TRPM3: variants seen among roughly 807,000 people sequenced by gnomAD.
TRPM3 encodes transient receptor potential cation channel subfamily M member 3, also known as long transient receptor potential channel 3.
A neutral mutation model predicts 181.2 loss-of-function variants in TRPM3; 77 were observed. The observed-to-expected ratio is 0.42, with a 90% confidence interval of 0.35 to 0.51. The LOEUF is 0.51. TRPM3 is among the 20% of genes least tolerant of loss of function. TRPM3 has a pLI of 0.01. For synonymous variants in TRPM3, 745 were observed against 796.4 expected (o/e 0.94, Z 1.09); for missense variants, 1,759 against 2,196.7 (o/e 0.80, Z 3.98).
At chr9:70,790,248 T>C (rs530538168) in intron 6 of TRPM3, among the ~76,000 whole-genome samples, 2 of 152,302 alleles carry the variant, frequency 1.3e-5, no homozygotes, top group South Asian at 2.1e-4. Flanking sequence ...AGATAGAGCA[T>C]AGAAGATCAT....
intron 4 of TRPM3, among the ~76,000 whole-genome samples, chr9:70,844,622 C>A: frequency 6.6e-6 from 1 of 152,212 alleles, no homozygotes; most frequent in East Asian, 1.9e-4. Context: ...ACAATTCTAT[C>A]AATACTTCTT....
intron 1 of TRPM3, among the ~76,000 whole-genome samples, chr9:71,142,618 T>C (rs1457155718): frequency 2.0e-5 from 3 of 152,168 alleles, no homozygotes; most frequent in African/African-American, 7.2e-5. Flanking sequence ...ACCAGGTTAT[T>C]AAAAGAACCA....
At chr9:70,804,694 C>G (rs1305714721) in intron 6 of TRPM3, among the ~76,000 whole-genome samples, 2 of 141,500 alleles carry the variant, frequency 1.4e-5, no homozygotes, top group African/African-American at 6.1e-5. Flanking sequence ...CCTTTCCTCC[C>G]CTCCCCTTCC....
At chr9:71,106,260 T>C (rs1280512670) in intron 1 of TRPM3, among the ~76,000 whole-genome samples, 1 of 152,188 alleles carries the variant, frequency 6.6e-6, no homozygotes, top group African/African-American at 2.4e-5. Flanking sequence ...ATGATTTGGA[T>C]ATTTGTTCCT....
intron 1 of TRPM3, among the ~76,000 whole-genome samples, chr9:71,314,395 T>A (rs1026920536): frequency 2.0e-5 from 3 of 152,202 alleles, no homozygotes; most frequent in Admixed American, 1.3e-4. Flanking sequence ...GCCTGTGTGA[T>A]CATTTCTTTG....
intron 1 of TRPM3, among the ~76,000 whole-genome samples, chr9:71,150,006 C>G (rs1023148305): frequency 1.1e-4 from 16 of 151,634 alleles, no homozygotes; most frequent in African/African-American, 3.4e-4. Flanking sequence ...AAAAACAAAA[C>G]AAAATACTGA....
chr9:71,347,019 TC>T (rs932492462), intron 1 of TRPM3, among the ~76,000 whole-genome samples: 1 of 152,168 alleles, frequency 6.6e-6, no homozygotes, highest in African/African-American at 2.4e-5. Context: ...ATTAAACAAA[TC>T]CCAAAAGGGG....
chr9:71,319,826 T>G (rs2132457829), intron 1 of TRPM3, among the ~76,000 whole-genome samples: 1 of 152,098 alleles, frequency 6.6e-6, no homozygotes, highest in East Asian at 1.9e-4. Context: ...CTACATGAAA[T>G]GGGAAGGAAA....
At chr9:70,599,763 A>G (rs2059567137) in intron 20 of TRPM3, among the ~76,000 whole-genome samples, 1 of 152,110 alleles carries the variant, frequency 6.6e-6, no homozygotes, top group Non-Finnish European at 1.5e-5. Context: ...TCACTCTCCA[A>G]TACATTACCC....
At chr9:71,164,635 A>C (rs2076447941) in intron 1 of TRPM3, among the ~76,000 whole-genome samples, 1 of 152,122 alleles carries the variant, frequency 6.6e-6, no homozygotes. Flanking sequence ...GATTTTAAGG[A>C]GAAGGAGAGT....
chr9:70,894,622 T>A (rs1400528684), intron 1 of TRPM3, among the ~76,000 whole-genome samples: 1 of 152,156 alleles, frequency 6.6e-6, no homozygotes, highest in Non-Finnish European at 1.5e-5. Flanking sequence ...AATACAAGAT[T>A]AGTTGCAGTT....
At position 71,226,445 on chromosome 9, in the gene TRPM3, G is replaced by A. The variant is rs146796265; in HGVS notation, c.183+220208C>T. Among the ~76,000 whole-genome samples, 23 of 152,044 alleles carry A rather than the reference G, an allele frequency of 1.5e-4. No individual in the cohort carries two copies. The East Asian group carries it at 4.1e-3, about 27-fold the overall frequency. The stretch of plus-strand genomic sequence containing the variant: ...CTGTTGCCTACAAAAAGCATATTTG[G>A]CCTTTAAAGACACGTAGACTGAAAA... On this transcript the variant is annotated intron_variant, in intron 1 of 24. Coordinates refer to the TRPM3 transcript ENST00000357533.
At chr9:70,657,703 G>A (rs2060557105) in intron 9 of TRPM3, among the ~76,000 whole-genome samples, 1 of 152,072 alleles carries the variant, frequency 6.6e-6, no homozygotes, top group African/African-American at 2.4e-5. Flanking sequence ...TTGACATTGA[G>A]TTACAGGGCT....
At chr9:70,546,602 A>G (rs1376666053) in intron 25 of TRPM3, among the ~76,000 whole-genome samples, 2 of 151,346 alleles carry the variant, frequency 1.3e-5, no homozygotes, top group Non-Finnish European at 2.9e-5. Context: ...ATAAAAAGAT[A>G]GTGAGCACAA....
intron 12 of TRPM3, among the ~76,000 whole-genome samples, chr9:70,627,709 G>A (rs934390135): frequency 6.6e-6 from 1 of 152,276 alleles, no homozygotes; most frequent in African/African-American, 2.4e-5. Flanking sequence ...AAATGGGGCT[G>A]TGTGAAGGGC....
chr9:71,242,737 G>C (rs534550024), intron 1 of TRPM3, among the ~76,000 whole-genome samples: 2 of 151,812 alleles, frequency 1.3e-5, no homozygotes, highest in East Asian at 3.9e-4. Flanking sequence ...TTTTATTCTT[G>C]GCCTTTTATC....
At chr9:71,063,532 G>GT in intron 1 of TRPM3, among the ~76,000 whole-genome samples, 1 of 152,222 alleles carries the variant, frequency 6.6e-6, no homozygotes, top group East Asian at 1.9e-4. Flanking sequence ...CCTGTGGACT[G>GT]TAAAAATCTT....
intron 6 of TRPM3, among the ~76,000 whole-genome samples, chr9:70,804,688 T>TC (rs1229675297): frequency 7.0e-6 from 1 of 142,738 alleles, no homozygotes; most frequent in Non-Finnish European, 1.5e-5. Flanking sequence ...TGGTTTCCTT[T>TC]CCTCCCCTCC....
At chr9:70,997,746 C>A (rs1178086942) in intron 1 of TRPM3, among the ~76,000 whole-genome samples, 2 of 152,094 alleles carry the variant, frequency 1.3e-5, no homozygotes, top group Non-Finnish European at 2.9e-5. Context: ...GTACAAGGTT[C>A]CTGGGTATCA....
Sources: gnomAD v4.1 joint callset for allele counts (sites outside exome capture counted in the v4.1 genomes callset) on GRCh38, gnomAD v4.1.1 for gene constraint, MANE v1.5 for transcripts, NCBI Gene and HGNC (gene_info 2026-07-23, HGNC 2026-07-21) for gene names.